Variants in WDR27 observed in about 807,000 individuals in gnomAD.
WDR27 encodes the protein WD repeat domain 27, also known as WD repeat-containing protein 27.
A neutral mutation model predicts 114.4 loss-of-function variants in WDR27; 100 were observed. The observed-to-expected ratio is 0.87, with a 90% confidence interval of 0.74 to 1.03. The LOEUF is 1.03. Among genes scored for constraint, WDR27 ranks in the 50% least tolerant of loss-of-function variants. The probability of loss-of-function intolerance (pLI) is 0.00; values close to 1 mark genes in which losing one functional copy is unlikely to be tolerated. For synonymous variants in WDR27, 449 were observed against 423.1 expected (o/e 1.06, Z -0.75); for missense variants, 1,129 against 1,092.9 (o/e 1.03, Z -0.47).
intron 18 of WDR27, among the ~76,000 whole-genome samples, chr6:169,637,952 G>A (rs992087155): frequency 2.0e-5 from 3 of 152,192 alleles, no homozygotes; most frequent in South Asian, 2.1e-4. Context: ...GTAAGTGTGC[G>A]TATGTGTATG....
At chr6:169,687,833 A>G (rs1309177490) in intron 2 of WDR27, among the ~76,000 whole-genome samples, 1 of 152,120 alleles carries the variant, frequency 6.6e-6, no homozygotes, top group African/African-American at 2.4e-5. Context: ...TTTGACCCAC[A>G]TTGCGTTGAA....
At chr6:169,660,835 C>T in intron 9 of WDR27, 69 bp from the exon 10 acceptor site, 1 of 1,409,502 alleles carries the variant, frequency 7.1e-7, no homozygotes, top group Non-Finnish European at 9.8e-7. Context: ...CCACGTGCGC[C>T]CCCTGGCCTG....
intron 21 of WDR27, among the ~76,000 whole-genome samples, chr6:169,628,753 T>A (rs989247235): frequency 2.6e-5 from 4 of 152,178 alleles, no homozygotes; most frequent in Non-Finnish European, 5.9e-5. Flanking sequence ...GACTACCACC[T>A]TCTGCCTTGT....
intron 25 of WDR27, among the ~76,000 whole-genome samples, chr6:169,528,765 G>A (rs1795237261): frequency 6.6e-6 from 1 of 152,176 alleles, no homozygotes; most frequent in South Asian, 2.1e-4. Context: ...GGCCTCAAGT[G>A]ATCCGCCCGC....
chr6:169,534,228 G>C (rs750568230), intron 25 of WDR27, among the ~76,000 whole-genome samples: 3 of 152,158 alleles, frequency 2.0e-5, no homozygotes, highest in Non-Finnish European at 4.4e-5. Flanking sequence ...TTGCATTCCG[G>C]GGACGAATCC....
chr6:169,613,730 A>G, intron 21 of WDR27, 74 bp from the exon 22 acceptor site: 1 of 1,255,194 alleles, frequency 8.0e-7, no homozygotes, highest in Non-Finnish European at 1.1e-6. Flanking sequence ...ATGATATCTC[A>G]TAATAGCTGA....
At chr6:169,451,433 G>A in the WDR27 span, among the ~76,000 whole-genome samples, 615 of 152,238 alleles carry the variant, frequency 4.0e-3, no homozygotes, top group African/African-American at 0.014. Context: ...GTCACGGCAC[G>A]TCCTCAACCT....
Position 169,670,476 on chromosome 6 carries a change from G to GA in WDR27, c.456+92dup, listed in dbSNP as rs1030175911. 31 of 1,462,522 alleles carry GA rather than the reference G, an allele frequency of 2.1e-5. No homozygotes were observed. In the African/African-American group the frequency reaches 2.8e-4, roughly 13 times the overall value. The allele number at this position is 1,462,522 out of a possible 1,614,324, so 90.6% of individuals were successfully genotyped here. ...ATAGCTTAAAAAAAAAGGAGTACAG[G>GA]AAAAAAGAAAAGACCGCTGGGCAAG... On this transcript the variant is annotated intron_variant, in intron 4 of 25. Transcript: ENST00000448612.
the WDR27 span, among the ~76,000 whole-genome samples, chr6:169,439,888 CAATATTATTATATT>C: frequency 5.5e-5 from 8 of 145,578 alleles, no homozygotes; most frequent in Non-Finnish European, 1.0e-4. Flanking sequence ...GTTATATTAC[CAATATTATTATATT>C]GGTAGTTATA....
chr6:169,696,287 G>A (rs1562957440), intron 1 of WDR27, among the ~76,000 whole-genome samples: 1 of 152,234 alleles, frequency 6.6e-6, no homozygotes, highest in Non-Finnish European at 1.5e-5. Context: ...CAAGGGTTGA[G>A]ATGGTGCTAG....
At chr6:169,531,398 T>C (rs1302826921) in intron 25 of WDR27, among the ~76,000 whole-genome samples, 1 of 152,222 alleles carries the variant, frequency 6.6e-6, no homozygotes, top group Non-Finnish European at 1.5e-5. Context: ...GAGCAAACAC[T>C]GCTTCCAATC....
At chr6:169,631,423 G>A (rs1305570475) in intron 21 of WDR27, among the ~76,000 whole-genome samples, 1 of 152,054 alleles carries the variant, frequency 6.6e-6, no homozygotes, top group Non-Finnish European at 1.5e-5. Context: ...CTGGGTGGTG[G>A]GGTGGGGGGG....
chr6:169,651,178 C>CGGGGGGG (rs200606067), intron 14 of WDR27, among the ~76,000 whole-genome samples: 2 of 3,394 alleles, frequency 5.9e-4, no homozygotes, highest in African/African-American at 2.1e-3. Context: ...CACAGCAGTG[C>CGGGGGGG]GGGGCGGGGG....
At chr6:169,546,317 G>A (rs1259090398) in intron 25 of WDR27, among the ~76,000 whole-genome samples, 2 of 152,220 alleles carry the variant, frequency 1.3e-5, no homozygotes, top group African/African-American at 4.8e-5. Flanking sequence ...CAAAACCTGT[G>A]TACAGCAGCG....
chr6:169,685,976 A>ATC (rs1235599344), intron 2 of WDR27, among the ~76,000 whole-genome samples: 1 of 152,238 alleles, frequency 6.6e-6, no homozygotes, highest in Non-Finnish European at 1.5e-5. Flanking sequence ...ATATAAGGGA[A>ATC]TCTCTATTTG....
chr6:169,659,081 T>C lies in WDR27; in HGVS notation c.1319+5A>G, dbSNP rs372997207. On this transcript the variant is annotated splice_donor_5th_base_variant and intron_variant, in intron 12 of 25. Transcript: ENST00000448612. The surrounding 1 kb of genome is among the most constrained non-coding windows in gnomAD (Gnocchi z 4.3). The stretch of plus-strand genomic sequence containing the variant: ...ACACACACTCCACACTTGAAGACAC[T>C]CTACCTGGCTGGCACCGAGAGGCTC... 5 of 1,541,462 alleles carry C rather than the reference T, an allele frequency of 3.2e-6. No individual in the cohort carries two copies. The highest frequency in any genetic ancestry group is 4.4e-6 in the Non-Finnish European group (5 of 1,146,784).
At chr6:169,485,267 T>A (rs1464440834) in intron 25 of WDR27, among the ~76,000 whole-genome samples, 1 of 152,186 alleles carries the variant, frequency 6.6e-6, no homozygotes. Flanking sequence ...AAACTATGCA[T>A]CTGACGAAGG....
At chr6:169,541,637 A>C (rs2982407) in intron 25 of WDR27, among the ~76,000 whole-genome samples, 1 of 152,220 alleles carries the variant, frequency 6.6e-6, no homozygotes, top group East Asian at 1.9e-4. Context: ...AGCTTGGTCT[A>C]ACTGACAGAT....
chr6:169,445,270 A>G, the WDR27 span, among the ~76,000 whole-genome samples: 1 of 152,178 alleles, frequency 6.6e-6, no homozygotes, highest in Non-Finnish European at 1.5e-5. Flanking sequence ...AGCCCTGCCT[A>G]CTTTCACTGA....
Sources: gnomAD v4.1 joint callset for allele counts (sites outside exome capture counted in the v4.1 genomes callset) on GRCh38, gnomAD v4.1.1 for gene constraint, Gnocchi (gnomAD v3.1) non-coding constraint, MANE v1.5 for transcripts, NCBI Gene and HGNC (gene_info 2026-07-23, HGNC 2026-07-21) for gene names.